Variants in SLC23A2 observed in about 807,000 individuals in gnomAD.
The protein encoded by SLC23A2 is Na(+)/L-ascorbic acid transporter 2.
SLC23A2 carries 36 observed loss-of-function variants against 73.3 expected under a neutral mutation model. The observed-to-expected ratio is 0.49, with a 90% CI of 0.38 to 0.65. The LOEUF is 0.65. Ranked by LOEUF, SLC23A2 falls within the 30% of genes least tolerant of loss-of-function variation. The probability of loss-of-function intolerance (pLI) is 0.00; values close to 1 mark genes in which losing one functional copy is unlikely to be tolerated. For missense variants in SLC23A2, 507 were observed against 841.6 expected, an observed-to-expected ratio of 0.60 and a Z score of 4.92; for synonymous variants, 343 against 327.3, an observed-to-expected ratio of 1.05 and a Z score of -0.52.
chr20:4,950,338 G>A (rs1399212756), intron 2 of SLC23A2, among the ~76,000 whole-genome samples: 2 of 152,126 alleles, frequency 1.3e-5, no homozygotes, highest in African/African-American at 4.8e-5. Context: ...CCCAATCAGG[G>A]CCCAAAGACA....
chr20:4,909,394 T>C (rs867179013), intron 4 of SLC23A2, among the ~76,000 whole-genome samples: 8 of 152,168 alleles, frequency 5.3e-5, no homozygotes, highest in Non-Finnish European at 7.3e-5. Context: ...GCTGGTTACG[T>C]AGAATATATA....
At chr20:4,967,934 G>A (rs1201187670) in intron 2 of SLC23A2, among the ~76,000 whole-genome samples, 3 of 152,192 alleles carry the variant, frequency 2.0e-5, no homozygotes, top group Admixed American at 6.5e-5. Context: ...CGAAAGGTAC[G>A]AGCAAGCCTC....
chr20:5,009,965 G>A (rs6139611), intron 1 of SLC23A2, among the ~76,000 whole-genome samples: 1 of 151,980 alleles, frequency 6.6e-6, no homozygotes, highest in Non-Finnish European at 1.5e-5. Flanking sequence ...CGTGGTTGCA[G>A]GCGCCTGTAG....
At chr20:4,952,688 T>A (rs1388505949) in intron 2 of SLC23A2, among the ~76,000 whole-genome samples, 1 of 152,174 alleles carries the variant, frequency 6.6e-6, no homozygotes, top group Non-Finnish European at 1.5e-5. Context: ...TAAAACGCAA[T>A]GCATAAGCCA....
At chr20:4,884,642 G>A (rs1246291116) in intron 8 of SLC23A2, 111 bp downstream of exon 8, 1 of 757,890 alleles carries the variant, frequency 1.3e-6, no homozygotes, top group Non-Finnish European at 2.4e-6. Context: ...ATCAGTAATT[G>A]AAAAAGAAAA....
intron 6 of SLC23A2, 61 bp from the exon 7 acceptor site, chr20:4,885,970 A>G: frequency 9.5e-7 from 1 of 1,057,408 alleles, no homozygotes; most frequent in Non-Finnish European, 1.4e-6. Context: ...GTAGTTCACT[A>G]TTTGACAGCT....
upstream of SLC23A2, among the ~76,000 whole-genome samples, chr20:5,004,661 A>G (rs992084719): frequency 5.3e-5 from 8 of 152,032 alleles, no homozygotes; most frequent in African/African-American, 1.9e-4. Flanking sequence ...ACTAGGCAAC[A>G]TGGGGAGACC....
Position 4,862,153 on chromosome 20 carries a change from G to A in SLC23A2, c.1487-68C>T. 2 of 1,527,998 alleles carry A rather than the reference G, an allele frequency of 1.3e-6. No individual in the cohort carries two copies. The highest frequency in any genetic ancestry group is 1.7e-4 in the Middle Eastern group (1 of 5,776). The allele number at this position is 1,527,998 out of a possible 1,614,324, so 94.7% of individuals were successfully genotyped here. On this transcript the variant is annotated intron_variant, in intron 14 of 16. Transcript: ENST00000338244. This position sits in a 1 kb window ranked among gnomAD's most constrained non-coding sequence, Gnocchi z 5.1. ...AGCGGGGACAGCTCAAGGCAGGTGA[G>A]GGCAGGCTCCCTGGCACCCCTTCTC...
chr20:4,950,717 T>C (rs1455720662), intron 2 of SLC23A2, among the ~76,000 whole-genome samples: 3 of 151,986 alleles, frequency 2.0e-5, no homozygotes, highest in Admixed American at 2.0e-4. Context: ...CAGACTGCCC[T>C]TCCCAAATCC....
At chr20:4,870,097 G>A (rs752095811) in intron 11 of SLC23A2, 44 bp from the exon 12 acceptor site, 13 of 1,520,586 alleles carry the variant, frequency 8.5e-6, no homozygotes, top group African/African-American at 2.8e-5. Flanking sequence ...AGAGGCAGGC[G>A]AAAGTGACCA....
intron 2 of SLC23A2, among the ~76,000 whole-genome samples, chr20:4,951,370 G>A (rs1418715406): frequency 2.6e-5 from 4 of 152,226 alleles, no homozygotes; most frequent in East Asian, 1.9e-4. Flanking sequence ...AGACTGAAAC[G>A]GAGGTGGGTG....
At chr20:4,860,975 A>T (rs1169616368) in intron 15 of SLC23A2, among the ~76,000 whole-genome samples, 1 of 152,220 alleles carries the variant, frequency 6.6e-6, no homozygotes, top group Non-Finnish European at 1.5e-5. Context: ...CAGGAGGCGG[A>T]GGTTGCAGTG....
At chr20:4,936,081 G>C (rs2097882966) in intron 2 of SLC23A2, among the ~76,000 whole-genome samples, 1 of 152,094 alleles carries the variant, frequency 6.6e-6, no homozygotes, top group African/African-American at 2.4e-5. Context: ...GAATTTGGGG[G>C]ATGACCTTTT....
At chr20:4,977,084 T>C (rs1427825980) in intron 1 of SLC23A2, among the ~76,000 whole-genome samples, 1 of 152,198 alleles carries the variant, frequency 6.6e-6, no homozygotes, top group Admixed American at 6.6e-5. Flanking sequence ...GAATCCACTA[T>C]GTAAAGACTG....
chr20:4,903,005 T>G (rs1033071917), intron 4 of SLC23A2, among the ~76,000 whole-genome samples: 8 of 152,150 alleles, frequency 5.3e-5, no homozygotes, highest in Non-Finnish European at 1.2e-4. Flanking sequence ...ACTTCATCCC[T>G]GCAAGTAAAA....
At chr20:5,006,551 A>T (rs542669372) in intron 1 of SLC23A2, among the ~76,000 whole-genome samples, 2 of 138,548 alleles carry the variant, frequency 1.4e-5, no homozygotes, top group East Asian at 3.9e-4. Flanking sequence ...AAGCCATTTT[A>T]TTTATTTATT....
chr20:4,995,333 G>A (rs1248984790), intron 1 of SLC23A2, among the ~76,000 whole-genome samples: 1 of 152,080 alleles, frequency 6.6e-6, no homozygotes, highest in Non-Finnish European at 1.5e-5. Context: ...CTCCCATTCA[G>A]CCTCAGCCTC....
rs545410410 is a variant in SLC23A2 at position 4,990,624 on chromosome 20, C to T, written c.-282+10782G>A. Among the ~76,000 whole-genome samples, 6 of 143,488 alleles carry T rather than the reference C, an allele frequency of 4.2e-5. No individual in the cohort carries two copies. In the South Asian group the frequency reaches 1.1e-3, roughly 27 times the overall value. 94.1% of individuals were successfully genotyped at this position (143,488 alleles called of 152,430 possible). A position where few individuals can be genotyped will look rare whatever the true frequency, so the allele number is the denominator to read the frequency against. ...CTGGCCTCAGGTGATCCACCCACCT[C>T]GGCCTCCCAAAGTGCTGGGATTTCA... is the stretch of plus-strand genomic sequence containing the variant. On this transcript the variant is annotated intron_variant, in intron 1 of 16. Coordinates refer to ENST00000338244, the MANE Select transcript of SLC23A2 (RefSeq NM_005116.6).
At chr20:4,907,206 G>A (rs1197684999) in intron 4 of SLC23A2, among the ~76,000 whole-genome samples, 1 of 152,160 alleles carries the variant, frequency 6.6e-6, no homozygotes, top group Non-Finnish European at 1.5e-5. Flanking sequence ...GGTCACAGAA[G>A]CCAGACTTAT....
Sources: allele counts gnomAD v4.1 joint callset (sites outside exome capture counted in the v4.1 genomes callset), GRCh38; gene constraint gnomAD v4.1.1; non-coding constraint Gnocchi (gnomAD v3.1); transcripts MANE v1.5; gene names NCBI Gene and HGNC (gene_info 2026-07-23, HGNC 2026-07-21).